Variants in MOXD1 observed in about 807,000 individuals in gnomAD.
MOXD1 encodes the protein DBH-like monooxygenase protein 1.
MOXD1 carries 62 observed loss-of-function variants against 66.6 expected under a neutral mutation model. The observed-to-expected ratio is 0.93, with a 90% CI of 0.76 to 1.15. The LOEUF (loss-of-function observed/expected upper bound fraction) is 1.15, where lower values mean the gene tolerates loss of function less well. Among genes scored for constraint, MOXD1 ranks in the 50% most tolerant of loss-of-function variants. The pLI is 0.00. For missense variants in MOXD1, 847 were observed against 754.6 expected (o/e 1.12, Z -1.44); for synonymous variants, 303 against 281.9 (o/e 1.07, Z -0.75).
Position 132,317,908 on chromosome 6 carries a change from T to C in MOXD1, c.1366-2131A>G, listed in dbSNP as rs76846012. Among the ~76,000 whole-genome samples the C allele has an allele frequency of 3.3e-3, 505 of 152,222 alleles. 3 individuals are homozygous for C. The highest frequency in any genetic ancestry group is 5.2e-3 in the Non-Finnish European group (356 of 67,966). Reference sequence around the variant, plus strand: ...TTGAAGTATGTATCCCTAAACAATATATTGTTTAATTTTCCTGAACTTTAC... The same window carrying C: ...TTGAAGTATGTATCCCTAAACAATACATTGTTTAATTTTCCTGAACTTTAC... On this transcript the variant is annotated intron_variant, in intron 9 of 11. Transcript: ENST00000367963.
intron 2 of MOXD1, among the ~76,000 whole-genome samples, chr6:132,373,659 C>T (rs1776315282): frequency 6.6e-6 from 1 of 152,128 alleles, no homozygotes; most frequent in African/African-American, 2.4e-5. Context: ...CATTGAGCAA[C>T]CAGGAGAGAT....
In MOXD1 at chr6:132,297,904, G is replaced by A. The variant is rs1160039750; in HGVS notation, c.1560C>T (p.Phe520=). 6.2e-7 allele frequency: 1 copy of A among 1,612,912 alleles called. No homozygotes were observed. Among genetic ancestry groups the A allele is most frequent in the Admixed American group, 1.7e-5 (1 of 59,754 alleles). Residue 520 remains phenylalanine, a synonymous_variant, in exon 11 of 12, where the codon TTC becomes TTT. Transcript: ENST00000367963. ...KSPKQYKNLS[F]MDAMNKFKWT... is the part of the protein sequence containing the mutation. ...ATTTAAACTTATTCATAGCATCCAT[G>A]AAAGAAAGGTTTTTATATTGCTTGG...
chr6:132,297,981 A>G, intron 10 of MOXD1, 26 bp from the exon 11 acceptor site: 1 of 1,584,680 alleles, frequency 6.3e-7, no homozygotes, highest in Middle Eastern at 1.7e-4. Flanking sequence ...ACAGTTAGTC[A>G]TATTCAGAAC....
At chr6:132,378,606 G>T (rs1562297656) in intron 1 of MOXD1, among the ~76,000 whole-genome samples, 2 of 152,074 alleles carry the variant, frequency 1.3e-5, no homozygotes, top group Non-Finnish European at 2.9e-5. Context: ...GACACTAAAA[G>T]GTTAATAATA....
intron 4 of MOXD1, among the ~76,000 whole-genome samples, chr6:132,343,958 C>T (rs373556752): frequency 5.9e-5 from 9 of 151,896 alleles, no homozygotes; most frequent in Admixed American, 3.3e-4. Flanking sequence ...ACAAGAAAGT[C>T]ATATATACAT....
At chr6:132,336,749 A>G (rs1300566903) in intron 4 of MOXD1, among the ~76,000 whole-genome samples, 1 of 152,144 alleles carries the variant, frequency 6.6e-6, no homozygotes, top group Non-Finnish European at 1.5e-5. Flanking sequence ...GATGAAGAAA[A>G]GGAAGGAAAA....
chr6:132,372,832 C>T lies in MOXD1; in HGVS notation c.577G>A (p.Asp193Asn), dbSNP rs774548479. The stretch of plus-strand genomic sequence containing the variant: ...TCATAAAACCTGAAAACACTTACGT[C>T]CTGATTTACCAGATCAAAGTATGGT... ...ALPYFDLVNQ[D>N]VPIPNKDTTY... The change falls in exon 3 of 12, where the codon GAC becomes AAC. Residue 193 changes from aspartate to asparagine, a missense_variant and splice_region_variant. By Grantham distance (23) the Asp-to-Asn change is conservative (BLOSUM62 1). Transcript: ENST00000367963. 1 of 1,613,552 alleles carries T rather than the reference C, an allele frequency of 6.2e-7. No homozygotes were observed. Among genetic ancestry groups the T allele is most frequent in the African/African-American group, 1.3e-5 (1 of 74,904 alleles).
chr6:132,349,396 C>CATATATATACATAT (rs1476873091), intron 4 of MOXD1, among the ~76,000 whole-genome samples: 1 of 41,356 alleles, frequency 2.4e-5, no homozygotes. Flanking sequence ...TATATATACA[C>CATATATATACATAT]ATATATATAC....
intron 10 of MOXD1, among the ~76,000 whole-genome samples, chr6:132,315,360 G>T (rs1262984894): frequency 6.6e-6 from 1 of 152,090 alleles, no homozygotes; most frequent in South Asian, 2.1e-4. Context: ...TGTTCTTTCT[G>T]CTTTGCATGC....
intron 2 of MOXD1, 79 bp from the exon 3 acceptor site, chr6:132,373,076 T>C (rs1391463778): frequency 1.5e-6 from 2 of 1,339,690 alleles, no homozygotes; most frequent in Middle Eastern, 2.0e-4. Context: ...AGAACTCTAT[T>C]GTAAACAAGA....
chr6:132,347,543 G>C (rs1041205088), intron 4 of MOXD1, among the ~76,000 whole-genome samples: 18 of 152,102 alleles, frequency 1.2e-4, no homozygotes, highest in Non-Finnish European at 2.5e-4. Context: ...CAGGTGTGTT[G>C]GTGGGTGCCT....
At chr6:132,360,617 T>G (rs1407194409) in intron 4 of MOXD1, among the ~76,000 whole-genome samples, 1 of 152,232 alleles carries the variant, frequency 6.6e-6, no homozygotes, top group Non-Finnish European at 1.5e-5. Flanking sequence ...TCTTCTCCTT[T>G]ACTGCCACTA....
intron 10 of MOXD1, among the ~76,000 whole-genome samples, chr6:132,309,090 G>T (rs770622078): frequency 6.6e-6 from 1 of 152,118 alleles, no homozygotes; most frequent in South Asian, 2.1e-4. Context: ...ATCTCTGTTT[G>T]CAGATGACAT....
chr6:132,398,336 T>C (rs1267783492), intron 1 of MOXD1, among the ~76,000 whole-genome samples: 1 of 152,224 alleles, frequency 6.6e-6, no homozygotes, highest in Middle Eastern at 3.2e-3. Flanking sequence ...AAGAAGAGTT[T>C]AATATAATTA....
chr6:132,345,420 TA>T (rs908316018), intron 4 of MOXD1, among the ~76,000 whole-genome samples: 5 of 150,846 alleles, frequency 3.3e-5, no homozygotes, highest in South Asian at 2.1e-4. Flanking sequence ...CTTCCTCTTC[TA>T]AAAAAAAAGA....
At chr6:132,343,964 T>C (rs1345686919) in intron 4 of MOXD1, among the ~76,000 whole-genome samples, 2 of 152,048 alleles carry the variant, frequency 1.3e-5, no homozygotes, top group Non-Finnish European at 2.9e-5. Flanking sequence ...AAGTCATATA[T>C]ACATATAAGA....
At chr6:132,339,906 G>A (rs543068580) in intron 4 of MOXD1, among the ~76,000 whole-genome samples, 50 of 137,770 alleles carry the variant, frequency 3.6e-4, no homozygotes, top group Non-Finnish European at 6.5e-4. Context: ...GTCTCACTCC[G>A]TCACCCAGGC....
chr6:132,302,974 C>T (rs1774574087), intron 10 of MOXD1, among the ~76,000 whole-genome samples: 1 of 152,058 alleles, frequency 6.6e-6, no homozygotes, highest in African/African-American at 2.4e-5. Context: ...ATGGTTCTTG[C>T]ACAACTTGAT....
At chr6:132,362,962 T>A (rs1346332225) in intron 4 of MOXD1, among the ~76,000 whole-genome samples, 3 of 152,314 alleles carry the variant, frequency 2.0e-5, no homozygotes, top group African/African-American at 7.2e-5. Flanking sequence ...CATCCATTGT[T>A]AATGAGCATT....
Sources: gnomAD v4.1 joint callset for allele counts (sites outside exome capture counted in the v4.1 genomes callset) on GRCh38, gnomAD v4.1.1 for gene constraint, MANE v1.5 for transcripts, NCBI Gene and HGNC (gene_info 2026-07-23, HGNC 2026-07-21) for gene names.